The following PITPNC1 variants were observed in gnomAD, a reference collection of about 807,000 sequenced individuals.
PITPNC1 encodes cytoplasmic phosphatidylinositol transfer protein 1.
PITPNC1 carries 18 observed loss-of-function variants against 44.7 expected under a neutral mutation model. That is an observed-to-expected ratio of 0.40 (90% CI 0.28 to 0.60). The LOEUF is 0.60. Ranked by LOEUF, PITPNC1 falls within the 20% of genes least tolerant of loss-of-function variation. The pLI is 0.39. For synonymous variants in PITPNC1, 141 were observed against 149.6 expected (o/e 0.94, Z 0.42); for missense variants, 290 against 418.4 (o/e 0.69, Z 2.68).
intron 2 of PITPNC1, among the ~76,000 whole-genome samples, chr17:67,546,248 GTA>G (rs2040681493): frequency 1.3e-5 from 2 of 150,962 alleles, no homozygotes; most frequent in Non-Finnish European, 2.9e-5. Context: ...TATATAGTCT[GTA>G]TACTTATGTA....
intron 1 of PITPNC1, among the ~76,000 whole-genome samples, 187 bp from the exon 2 acceptor site, chr17:67,532,615 C>T (rs953120923): frequency 6.6e-6 from 1 of 152,058 alleles, no homozygotes; most frequent in Non-Finnish European, 1.5e-5. Context: ...CACGCCGTCT[C>T]GATGTTCTAC....
Position 67,490,906 on chromosome 17 carries a change from T to C in PITPNC1, c.49-41896T>C, listed in dbSNP as rs181690493. 1.7e-3 allele frequency among the ~76,000 whole-genome samples: 265 copies of C among 152,328 alleles called. 4 individuals carry two copies. The highest frequency in any genetic ancestry group is 0.017 in the Admixed American group (261 of 15,306). ...CTCGGGATTCTTTCAAACTTTATAC[T>C]TACTTCTCTCCTCCTCTGATTCTAT... is the stretch of plus-strand genomic sequence containing the variant. On this transcript the variant is annotated intron_variant, in intron 1 of 8. Coordinates refer to ENST00000581322, the MANE Select transcript of PITPNC1 (RefSeq NM_012417.4).
chr17:67,490,119 TG>T (rs1459184838), intron 1 of PITPNC1, among the ~76,000 whole-genome samples: 1 of 13,286 alleles, frequency 7.5e-5, no homozygotes, highest in Non-Finnish European at 1.6e-4. Flanking sequence ...TTTCTGTGTG[TG>T]TGTGTGTGTG....
At chr17:67,500,276 A>T (rs2040008581) in intron 1 of PITPNC1, among the ~76,000 whole-genome samples, 1 of 152,214 alleles carries the variant, frequency 6.6e-6, no homozygotes, top group South Asian at 2.1e-4. Context: ...ATTCTGGATA[A>T]ATGAATATGG....
chr17:67,583,174 T>C (rs1350221462), intron 5 of PITPNC1, among the ~76,000 whole-genome samples: 1 of 152,138 alleles, frequency 6.6e-6, no homozygotes, highest in African/African-American at 2.4e-5. Context: ...GCTGGCAGTG[T>C]GTGCAGTTTT....
chr17:67,440,564 C>T (rs2038998933), intron 1 of PITPNC1, among the ~76,000 whole-genome samples: 1 of 151,436 alleles, frequency 6.6e-6, no homozygotes, highest in African/African-American at 2.4e-5. Context: ...CAGGGTCTCA[C>T]TCCATTGCCC....
In PITPNC1 at chr17:67,509,190, C is replaced by T. The variant is rs371547448; in HGVS notation, c.49-23612C>T. ...TGGAGGTTGCAGTGAGCCAAGATCA[C>T]GCCACTGCACTCCAGCCTGGGAGAC... On this transcript the variant is annotated intron_variant, in intron 1 of 8. Coordinates refer to ENST00000581322, the MANE Select transcript of PITPNC1 (RefSeq NM_012417.4). 7.9e-5 allele frequency among the ~76,000 whole-genome samples: 12 copies of T among 151,098 alleles called. No individual in the cohort carries two copies. The South Asian group carries it at 1.9e-3, about 24-fold the overall frequency.
At chr17:67,629,976 G>A (rs571275796) in intron 5 of PITPNC1, among the ~76,000 whole-genome samples, 7 of 152,220 alleles carry the variant, frequency 4.6e-5, no homozygotes, top group Non-Finnish European at 8.8e-5. Context: ...TAGGCAAGAA[G>A]AGAAGAACCA....
chr17:67,575,807 T>C (rs60489351), intron 4 of PITPNC1, among the ~76,000 whole-genome samples: 75,620 of 115,228 alleles, frequency 0.66, 25,527 homozygotes, highest in Middle Eastern at 0.81. Context: ...TCTTTCTTTC[T>C]TTCTTTCTTT....
intron 1 of PITPNC1, among the ~76,000 whole-genome samples, chr17:67,422,534 T>C (rs1353195881): frequency 6.6e-6 from 1 of 152,172 alleles, no homozygotes; most frequent in African/African-American, 2.4e-5. Flanking sequence ...CAGCCCTAGC[T>C]TGCTCACTGT....
intron 1 of PITPNC1, among the ~76,000 whole-genome samples, chr17:67,425,197 GCACACGCACACACACACACACACACACA>G (rs1198807848): frequency 0.012 from 1,195 of 98,462 alleles, 100 homozygotes; most frequent in African/African-American, 0.038. Context: ...GCGCGCGCAC[GCACACGCACACACACACACACACACACA>G]CACACACACA....
At chr17:67,420,580 C>T (rs899117798) in intron 1 of PITPNC1, among the ~76,000 whole-genome samples, 17 of 151,972 alleles carry the variant, frequency 1.1e-4, no homozygotes, top group Non-Finnish European at 1.2e-4. Context: ...TACAGTCATC[C>T]ACCACCACGC....
intron 1 of PITPNC1, among the ~76,000 whole-genome samples, chr17:67,446,550 A>C (rs190944118): frequency 6.6e-6 from 1 of 151,680 alleles, no homozygotes; most frequent in East Asian, 1.9e-4. Flanking sequence ...TGCTACGAGA[A>C]ATAGAACAGA....
chr17:67,565,052 T>G (rs1465632459), intron 4 of PITPNC1, among the ~76,000 whole-genome samples: 1 of 152,192 alleles, frequency 6.6e-6, no homozygotes, highest in African/African-American at 2.4e-5. Context: ...TGTTTTTCAG[T>G]GGATATACTA....
intron 1 of PITPNC1, among the ~76,000 whole-genome samples, chr17:67,442,692 A>T (rs6504506): frequency 0.3 from 44,453 of 150,544 alleles, 6,895 homozygotes; most frequent in East Asian, 0.39. Flanking sequence ...AAAATACAAA[A>T]ATATATATAT....
At chr17:67,421,326 A>G (rs1352790494) in intron 1 of PITPNC1, among the ~76,000 whole-genome samples, 2 of 152,176 alleles carry the variant, frequency 1.3e-5, no homozygotes, top group South Asian at 2.1e-4. Context: ...CTTGTCACCC[A>G]GGCTGGAGTG....
intron 8 of PITPNC1, among the ~76,000 whole-genome samples, chr17:67,683,750 G>C (rs530312144): frequency 1.3e-3 from 199 of 152,164 alleles, no homozygotes; most frequent in African/African-American, 4.6e-3. Context: ...GGGCGAGGTG[G>C]GCGGATCACT....
intron 1 of PITPNC1, among the ~76,000 whole-genome samples, chr17:67,388,328 GT>G (rs768092457): frequency 0.02 from 2,700 of 134,606 alleles, 24 homozygotes; most frequent in Middle Eastern, 0.03. Flanking sequence ...TTTTTTTCGT[GT>G]TTTTTTTTTT....
chr17:67,602,522 GACA>G (rs2041554064), intron 5 of PITPNC1, among the ~76,000 whole-genome samples: 1 of 152,162 alleles, frequency 6.6e-6, no homozygotes, highest in African/African-American at 2.4e-5. Flanking sequence ...TGCCCATGTG[GACA>G]CTGAAATCAT....
Sources: allele counts gnomAD v4.1 joint callset (sites outside exome capture counted in the v4.1 genomes callset), GRCh38; gene constraint gnomAD v4.1.1; transcripts MANE v1.5; gene names NCBI Gene and HGNC (gene_info 2026-07-23, HGNC 2026-07-21).